The following PCGF3 variants were observed in gnomAD, a reference collection of about 807,000 sequenced individuals.
PCGF3 encodes polycomb group RING finger protein 3.
PCGF3 carries 7 observed loss-of-function variants against 33.1 expected under a neutral mutation model. The ratio of observed to expected loss-of-function variants is 0.21; its 90% confidence interval spans 0.12 to 0.40. The LOEUF is 0.40. PCGF3 is among the 10% of genes least tolerant of loss of function. PCGF3 has a pLI of 1.00. For synonymous variants in PCGF3, 153 were observed against 121.3 expected, an observed-to-expected ratio of 1.26 and a Z score of -1.72; for missense variants, 211 against 313.3, an observed-to-expected ratio of 0.67 and a Z score of 2.46.
chr4:718,858 G>A (rs1742963250), intron 1 of PCGF3, among the ~76,000 whole-genome samples: 1 of 152,244 alleles, frequency 6.6e-6, no homozygotes, highest in Admixed American at 6.5e-5. Context: ...ATGGAGCAGG[G>A]ATGCTTACTG....
chr4:728,115 A>G (rs1743402831), intron 1 of PCGF3, among the ~76,000 whole-genome samples: 1 of 152,208 alleles, frequency 6.6e-6, no homozygotes, highest in South Asian at 2.1e-4. Flanking sequence ...AGTTCATCAT[A>G]TCTTGTCCGT....
intron 1 of PCGF3, chr4:723,923 A>G (rs965017460): frequency 1.3e-5 from 2 of 152,452 alleles, no homozygotes; most frequent in Non-Finnish European, 2.9e-5. Context: ...TGGAGTCAGC[A>G]GAGGGAGGAG....
intron 1 of PCGF3, among the ~76,000 whole-genome samples, chr4:719,552 G>A (rs937712791): frequency 6.6e-6 from 1 of 152,266 alleles, no homozygotes; most frequent in East Asian, 1.9e-4. Flanking sequence ...GGAGCTGTGT[G>A]TGTCTGTGGT....
At chr4:706,521 CCA>C (rs1306245975) in intron 1 of PCGF3, among the ~76,000 whole-genome samples, 3 of 141,902 alleles carry the variant, frequency 2.1e-5, no homozygotes, top group East Asian at 2.2e-4. Flanking sequence ...CCCGGGAGGG[CCA>C]AGACCCCAGA....
At chr4:769,712 G>GAGATGT (rs1490643303) in exon 11 of PCGF3, 1 of 152,630 alleles carries the variant, frequency 6.6e-6, no homozygotes, top group African/African-American at 2.4e-5. Flanking sequence ...GCGTTCCCCT[G>GAGATGT]AGATGTGCGT....
intron 1 of PCGF3, among the ~76,000 whole-genome samples, chr4:706,491 G>A (rs1420495849): frequency 6.7e-6 from 1 of 149,362 alleles, no homozygotes; most frequent in African/African-American, 2.5e-5. Flanking sequence ...GGAGGGCCAA[G>A]ACCCCAGACC....
intron 9 of PCGF3, chr4:761,876 C>T (rs1453261097): frequency 1.0e-6 from 1 of 985,412 alleles, no homozygotes; most frequent in Non-Finnish European, 1.2e-6. Context: ...AAGGCAGTGA[C>T]ACCATGGGGA....
At chr4:762,854 G>A (rs572893196) in intron 9 of PCGF3, 2 of 152,402 alleles carry the variant, frequency 1.3e-5, no homozygotes, top group Non-Finnish European at 1.5e-5. Context: ...TTCAGAGAAA[G>A]CCACAATAAG....
chr4:756,829 C>G (rs762129439), intron 8 of PCGF3, among the ~76,000 whole-genome samples: 3 of 152,106 alleles, frequency 2.0e-5, no homozygotes, highest in Admixed American at 2.0e-4. Flanking sequence ...AGGGGCCTGC[C>G]GGGGGCTCTG....
At chr4:764,739 C>T (rs183396735) in intron 9 of PCGF3, 53 of 446,218 alleles carry the variant, frequency 1.2e-4, no homozygotes, top group Non-Finnish European at 1.9e-4. Context: ...CTGGCACGGG[C>T]CTGCCCTGTA....
At chr4:733,179 G>C (rs1468988335) in intron 3 of PCGF3, among the ~76,000 whole-genome samples, 4 of 151,268 alleles carry the variant, frequency 2.6e-5, no homozygotes, top group Non-Finnish European at 2.9e-5. Flanking sequence ...AAGTGAATGG[G>C]GAGGAAGGGG....
rs1228445838 is a variant in PCGF3 at position 750,547 on chromosome 4, CTCTG to C, written c.462+5865_462+5868del. Among the ~76,000 whole-genome samples, 16 of 152,310 alleles carry C rather than the reference CTCTG, an allele frequency of 1.1e-4. No homozygotes were observed. In the East Asian group the frequency reaches 1.7e-3, roughly 17 times the overall value. ...AAGTGACCTACCTCTGCCTCAGTTT[CTCTG>C]TCTGTGGCGTGAGGTGGTGGTGAGA... On this transcript the variant is annotated intron_variant, in intron 8 of 10. Coordinates refer to ENST00000362003, the Ensembl canonical transcript of PCGF3.
intron 8 of PCGF3, among the ~76,000 whole-genome samples, chr4:754,264 T>C (rs1385954509): frequency 6.6e-6 from 1 of 152,038 alleles, no homozygotes; most frequent in Non-Finnish European, 1.5e-5. Context: ...GAGCTGGAAA[T>C]GTGGTTTGTT....
At chr4:754,232 G>T (rs905540703) in intron 8 of PCGF3, among the ~76,000 whole-genome samples, 1 of 152,206 alleles carries the variant, frequency 6.6e-6, no homozygotes, top group Non-Finnish European at 1.5e-5. Flanking sequence ...CCCTCCAGAG[G>T]CTCCAATGGC....
chr4:737,661 C>A, intron 6 of PCGF3, 140 bp downstream of exon 6: 2 of 638,862 alleles, frequency 3.1e-6, no homozygotes. Context: ...TGCTCTCAGC[C>A]CAACTTCATC....
chr4:739,897 C>T (rs891299325), intron 6 of PCGF3, among the ~76,000 whole-genome samples: 1 of 152,222 alleles, frequency 6.6e-6, no homozygotes, highest in African/African-American at 2.4e-5. Context: ...CACGGTGGCC[C>T]CGAGCCGCCT....
chr4:732,843 C>G (rs1321685113), intron 3 of PCGF3, among the ~76,000 whole-genome samples: 2 of 152,246 alleles, frequency 1.3e-5, no homozygotes, highest in African/African-American at 2.4e-5. Flanking sequence ...CCACCAGCCT[C>G]CGCACGCGGA....
At chr4:748,534 A>G (rs1307150745) in intron 8 of PCGF3, among the ~76,000 whole-genome samples, 1 of 152,188 alleles carries the variant, frequency 6.6e-6, no homozygotes, top group Non-Finnish European at 1.5e-5. Flanking sequence ...GTTGTTTAAA[A>G]CGTTCAGTGA....
chr4:724,482 A>C (rs1398466545), intron 1 of PCGF3, among the ~76,000 whole-genome samples: 1 of 152,176 alleles, frequency 6.6e-6, no homozygotes, highest in Admixed American at 6.5e-5. Flanking sequence ...TGCCAGTTCA[A>C]AGTCTGTCTT....
Sources: gnomAD v4.1 joint callset for allele counts (sites outside exome capture counted in the v4.1 genomes callset) on GRCh38, gnomAD v4.1.1 for gene constraint, MANE v1.5 for transcripts, NCBI Gene and HGNC (gene_info 2026-07-23, HGNC 2026-07-21) for gene names.